The following WDR25 variants were observed in gnomAD, a reference collection of about 807,000 sequenced individuals.
The protein encoded by WDR25 is WD repeat domain 25, also known as WD repeat-containing protein 25.
Under a neutral mutation model 47.7 loss-of-function variants are expected in WDR25, and 35 were observed. That is an observed-to-expected ratio of 0.73 (90% confidence interval 0.56 to 0.97). The LOEUF (loss-of-function observed/expected upper bound fraction) is 0.97, where lower values mean the gene tolerates loss of function less well. Ranked by LOEUF, WDR25 falls within the 50% of genes least tolerant of loss-of-function variation. The pLI is 0.00. For synonymous variants in WDR25, 248 were observed against 278.9 expected, an observed-to-expected ratio of 0.89 and a Z score of 1.10; for missense variants, 634 against 704.7, an observed-to-expected ratio of 0.90 and a Z score of 1.14.
At position 100,376,508 on chromosome 14, in the gene WDR25, AG is replaced by A; in HGVS notation, c.-16+14del. 8.1e-7 allele frequency: 1 copy of A among 1,231,716 alleles called. No individual in the cohort carries two copies. The highest frequency in any genetic ancestry group is 1.0e-6 in the Non-Finnish European group (1 of 988,034). The allele number at this position is 1,231,716 out of a possible 1,614,324, so 76.3% of individuals were successfully genotyped here. A position where few individuals can be genotyped will look rare whatever the true frequency, so the allele number is the denominator to read the frequency against. ...CCGAGCGCTTCCGGTGCGTGTGGTG[AG>A]CGGCGGGCCCCGGGCTGGAGGGGCC... On this transcript the variant is annotated intron_variant, in intron 1 of 6. Transcript: ENST00000402312.
chr14:100,450,120 A>G (rs1190129977), intron 2 of WDR25, among the ~76,000 whole-genome samples: 1 of 152,180 alleles, frequency 6.6e-6, no homozygotes, highest in Non-Finnish European at 1.5e-5. Flanking sequence ...CTTTGCTCCA[A>G]TGCTTAAAAA....
chr14:100,403,441 C>A (rs1897439830), intron 2 of WDR25, among the ~76,000 whole-genome samples: 1 of 152,196 alleles, frequency 6.6e-6, no homozygotes. Context: ...AGGAACTGGG[C>A]AGATTTGTGT....
chr14:100,381,501 A>G lies in WDR25; in HGVS notation c.577A>G (p.Lys193Glu). The G allele has an allele frequency of 6.2e-7, 1 of 1,614,196 alleles. No homozygotes were observed. The highest frequency in any genetic ancestry group is 8.5e-7 in the Non-Finnish European group (1 of 1,180,040). ...GCAGGCATTAAGCACGGAGACAGGCAAGGGTAAAGACGTGGAGCCACAGGG... is the reference window on the plus strand; with the variant it reads ...GCAGGCATTAAGCACGGAGACAGGCGAGGGTAAAGACGTGGAGCCACAGGG... ...QRQALSTETG[K>E]GKDVEPQGPP... The change falls in exon 2 of 7, where the codon AAG becomes GAG. Residue 193 changes from lysine (K) to glutamate (E), a missense_variant. Lys to Glu is a moderately conservative substitution (Grantham distance 56). Transcript: ENST00000402312.
intron 2 of WDR25, among the ~76,000 whole-genome samples, chr14:100,435,961 C>A (rs1235009929): frequency 2.0e-5 from 3 of 152,178 alleles, no homozygotes; most frequent in African/African-American, 7.2e-5. Flanking sequence ...CTGGCCAGCA[C>A]CGTGGAAGAG....
rs1901111610 is a variant in WDR25 at position 100,506,396 on chromosome 14, G to T, written c.1102-19474G>T. Among the ~76,000 whole-genome samples, 1 of 152,016 alleles carries T rather than the reference G, an allele frequency of 6.6e-6. No individual in the cohort carries two copies. The highest frequency in any genetic ancestry group is 2.1e-4 in the South Asian group (1 of 4,828). ...AACACGTGAGTGCATGTGTCTCTTT[G>T]GTAGAATAACATTTTCTTTTGGATA... On this transcript the variant is annotated intron_variant, in intron 4 of 6. Transcript: ENST00000402312. The surrounding 1 kb of genome is among the most constrained non-coding windows in gnomAD (Gnocchi z 4.8).
In WDR25 at chr14:100,506,219, T is replaced by A. The variant is rs989556860; in HGVS notation, c.1102-19651T>A. Reference sequence around the variant, plus strand: ...CTTAGGAAAATGGTCTCCAACTTCATCCGTGTTGCTGCAAAGGACATGATT... The same window carrying A: ...CTTAGGAAAATGGTCTCCAACTTCAACCGTGTTGCTGCAAAGGACATGATT... On this transcript the variant is annotated intron_variant, in intron 4 of 6. Coordinates refer to ENST00000402312, the MANE Select transcript of WDR25 (RefSeq NM_001161476.3). This position sits in a 1 kb window ranked among gnomAD's most constrained non-coding sequence, Gnocchi z 4.8. 1.3e-5 allele frequency among the ~76,000 whole-genome samples: 2 copies of A among 152,216 alleles called. No homozygotes were observed. The highest frequency in any genetic ancestry group is 2.9e-5 in the Non-Finnish European group (2 of 68,038).
chr14:100,433,466 G>A (rs1898401970), intron 2 of WDR25, among the ~76,000 whole-genome samples: 2 of 152,244 alleles, frequency 1.3e-5, no homozygotes, highest in African/African-American at 4.8e-5. Context: ...TTTCTTCAGT[G>A]TAGTTAATAT....
At position 100,500,171 on chromosome 14, in the gene WDR25, C is replaced by G. The variant is rs572789228; in HGVS notation, c.1101+16047C>G. Among the ~76,000 whole-genome samples the G allele has an allele frequency of 9.5e-4, 145 of 152,224 alleles. No homozygotes were observed. The highest frequency in any genetic ancestry group is 3.4e-3 in the African/African-American group (143 of 41,522). On this transcript the variant is annotated intron_variant, in intron 4 of 6. Coordinates refer to ENST00000402312, the MANE Select transcript of WDR25 (RefSeq NM_001161476.3). This position sits in a 1 kb window ranked among gnomAD's most constrained non-coding sequence, Gnocchi z 4.7. Reference sequence around the variant, plus strand: ...GGAGGGCCAGCCTGACTGGATGGGGCGGCTCCCTCCTAGTGCATTGTGTGT... The same window carrying G: ...GGAGGGCCAGCCTGACTGGATGGGGGGGCTCCCTCCTAGTGCATTGTGTGT...
chr14:100,469,468 C>T (rs1282447319), intron 3 of WDR25, among the ~76,000 whole-genome samples: 3 of 152,278 alleles, frequency 2.0e-5, no homozygotes, highest in Middle Eastern at 6.8e-3. Context: ...CTCAGAGGGG[C>T]AAAGCAGCTT....
intron 4 of WDR25, among the ~76,000 whole-genome samples, chr14:100,521,403 CCCTT>C (rs1345364597): frequency 1.3e-5 from 2 of 152,218 alleles, no homozygotes; most frequent in African/African-American, 4.8e-5. Context: ...CTGCTCCCCT[CCCTT>C]CCTCTTAAGG....
At chr14:100,434,148 A>G (rs1595085304) in intron 2 of WDR25, among the ~76,000 whole-genome samples, 1 of 152,290 alleles carries the variant, frequency 6.6e-6, no homozygotes, top group East Asian at 1.9e-4. Context: ...CTTCATTGCT[A>G]CTGGGGGTCA....
intron 4 of WDR25, among the ~76,000 whole-genome samples, chr14:100,520,596 C>A (rs143886660): frequency 6.6e-6 from 1 of 152,168 alleles, no homozygotes; most frequent in African/African-American, 2.4e-5. Flanking sequence ...TCTGCTTTTG[C>A]GACTTTAAAC....
Position 100,488,356 on chromosome 14 carries a change from C to A in WDR25, c.1101+4232C>A, listed in dbSNP as rs1900451583. Among the ~76,000 whole-genome samples the A allele has an allele frequency of 6.6e-6, 1 of 152,008 alleles. No homozygotes were observed. The highest frequency in any genetic ancestry group is 2.4e-5 in the African/African-American group (1 of 41,348). ...GGAACCCAGGATGCCTGTGGTCTGA[C>A]CTTTATAGTATTGTGAGGGTCAATT... On this transcript the variant is annotated intron_variant, in intron 4 of 6. Coordinates refer to ENST00000402312, the MANE Select transcript of WDR25 (RefSeq NM_001161476.3). This position sits in a 1 kb window ranked among gnomAD's most constrained non-coding sequence, Gnocchi z 4.2.
rs1162580661 is a variant in WDR25, at chr14:100,425,984, A to G, written c.823-42037A>G. On this transcript the variant is annotated intron_variant, in intron 2 of 6. Transcript: ENST00000402312. The surrounding 1 kb of genome is among the most constrained non-coding windows in gnomAD (Gnocchi z 4.8). ...CCCAAATGGGATTTGCATAAGCCCA[A>G]ATGAGTGCAGGGTTATTCTCCGCAC... Among the ~76,000 whole-genome samples the G allele has an allele frequency of 1.3e-5, 2 of 152,210 alleles. No individual in the cohort carries two copies. The highest frequency in any genetic ancestry group is 2.9e-5 in the Non-Finnish European group (2 of 68,032).
At chr14:100,460,150 T>C (rs541987879) in intron 2 of WDR25, among the ~76,000 whole-genome samples, 107 of 148,928 alleles carry the variant, frequency 7.2e-4, no homozygotes, top group Non-Finnish European at 1.3e-3. Context: ...TCTCGCTCTG[T>C]CGCCCAGGCT....
chr14:100,468,005 C>G lies in WDR25; in HGVS notation c.823-16C>G, dbSNP rs750461876. 1.6e-5 allele frequency: 26 copies of G among 1,611,960 alleles called. No individual in the cohort carries two copies. Among genetic ancestry groups the G allele is most frequent in the Middle Eastern group, 3.9e-4 (2 of 5,192 alleles). On this transcript the variant is annotated splice_polypyrimidine_tract_variant and intron_variant, in intron 2 of 6. Transcript: ENST00000402312. The surrounding 1 kb of genome is among the most constrained non-coding windows in gnomAD (Gnocchi z 4.5). ...CCCTTGTTGTGACACCTGGTGCTGTCTGTGTTTGCCTGCAGGTATGGAACG... is the reference window on the plus strand; with the variant it reads ...CCCTTGTTGTGACACCTGGTGCTGTGTGTGTTTGCCTGCAGGTATGGAACG...
chr14:100,395,451 C>A (rs1897236577), intron 2 of WDR25, among the ~76,000 whole-genome samples: 1 of 152,118 alleles, frequency 6.6e-6, no homozygotes, highest in Non-Finnish European at 1.5e-5. Context: ...ATCCGTATGC[C>A]CCCTTTACAG....
intron 4 of WDR25, among the ~76,000 whole-genome samples, chr14:100,513,645 T>A (rs1290509073): frequency 6.6e-6 from 1 of 152,196 alleles, no homozygotes. Flanking sequence ...AGGATTATCA[T>A]GTTCTCCTAA....
rs117592108 is a variant in WDR25 at position 100,418,271 on chromosome 14, G to T, written c.822+36525G>T. Among the ~76,000 whole-genome samples the T allele has an allele frequency of 5.0e-3, 759 of 151,658 alleles. 7 individuals are homozygous for T. The highest frequency in any genetic ancestry group is 5.2e-3 in the Non-Finnish European group (356 of 67,894). On this transcript the variant is annotated intron_variant, in intron 2 of 6. Transcript: ENST00000402312. ...CTTACGTCTTATATCCACACTGCCT[G>T]TGATTTTGTACATGATACACACAAT...
Sources: gnomAD v4.1 joint callset for allele counts (sites outside exome capture counted in the v4.1 genomes callset) on GRCh38, gnomAD v4.1.1 for gene constraint, Gnocchi (gnomAD v3.1) non-coding constraint, MANE v1.5 for transcripts, NCBI Gene and HGNC (gene_info 2026-07-23, HGNC 2026-07-21) for gene names.